Variants in KDM4A observed in about 807,000 individuals in gnomAD.
KDM4A encodes the protein lysine demethylase 4A, also known as lysine-specific demethylase 4A.
A neutral mutation model predicts 127.1 loss-of-function variants in KDM4A; 23 were observed. The ratio of observed to expected loss-of-function variants is 0.18; its 90% CI spans 0.13 to 0.26. KDM4A has a LOEUF of 0.26. KDM4A is among the 10% of genes least tolerant of loss of function. The pLI is 1.00. For missense variants in KDM4A, 890 were observed against 1,329.1 expected (o/e 0.67, Z 5.14); for synonymous variants, 443 against 466.5 (o/e 0.95, Z 0.65).
intron 19 of KDM4A, chr1:43,699,777 G>C (rs1661339306): frequency 6.7e-6 from 1 of 148,828 alleles, no homozygotes; most frequent in Non-Finnish European, 1.5e-5. Context: ...GCTGGAGTAC[G>C]GGAGTACGGT....
At chr1:43,655,036 A>G (rs1660207899) in intron 2 of KDM4A, among the ~76,000 whole-genome samples, 1 of 152,030 alleles carries the variant, frequency 6.6e-6, no homozygotes, top group Admixed American at 6.6e-5. Context: ...TTTTTAGTAG[A>G]GATGGGGTTT....
At chr1:43,675,561 G>A (rs1286815832) in intron 11 of KDM4A, among the ~76,000 whole-genome samples, 1 of 152,172 alleles carries the variant, frequency 6.6e-6, no homozygotes, top group African/African-American at 2.4e-5. Context: ...AGCACTTGGG[G>A]ATCTGCAGTG....
In KDM4A at chr1:43,660,364, C is replaced by T. The variant is rs762616511; in HGVS notation, c.381C>T (p.Phe127=). The T allele has an allele frequency of 2.5e-6, 4 of 1,612,704 alleles. No individual in the cohort carries two copies. The South Asian group carries it at 3.3e-5, about 13-fold the overall frequency. ...LERKYWKNLT[F]NPPIYGADVN... is the part of the protein sequence containing the mutation. Reference sequence around the variant, plus strand: ...GGAAATACTGGAAAAATCTTACATTCAATCCTCCAATCTATGGTGCAGATG... The same window carrying T: ...GGAAATACTGGAAAAATCTTACATTTAATCCTCCAATCTATGGTGCAGATG... Residue 127 remains phenylalanine (F), a synonymous_variant, in exon 4 of 22, where the codon TTC becomes TTT. Transcript: ENST00000372396.
At position 43,691,582 on chromosome 1, in the gene KDM4A, C is replaced by T. The variant is rs1403549545; in HGVS notation, c.2319+10C>T. 1 of 1,609,668 alleles carries T rather than the reference C, an allele frequency of 6.2e-7. No homozygotes were observed. Among genetic ancestry groups the T allele is most frequent in the African/African-American group, 1.3e-5 (1 of 74,774 alleles). Reference sequence around the variant, plus strand: ...CAATGCCCTAGAGGAGGTGAGTGATCCCACACTGTTACTGTCTTCACCATG... The same window carrying T: ...CAATGCCCTAGAGGAGGTGAGTGATTCCACACTGTTACTGTCTTCACCATG... On this transcript the variant is annotated intron_variant, in intron 15 of 21. Coordinates refer to ENST00000372396, the MANE Select transcript of KDM4A (RefSeq NM_014663.3).
intron 9 of KDM4A, among the ~76,000 whole-genome samples, chr1:43,668,467 T>C (rs1347812283): frequency 1.3e-5 from 2 of 151,734 alleles, no homozygotes; most frequent in African/African-American, 2.4e-5. Flanking sequence ...GCTAAGGGAG[T>C]GTTCTTGGTA....
chr1:43,654,887 T>C (rs1027202882), intron 2 of KDM4A, among the ~76,000 whole-genome samples: 6 of 152,132 alleles, frequency 3.9e-5, no homozygotes, highest in South Asian at 2.1e-4. Context: ...GTTTCGCTCT[T>C]GTTACCCCAG....
At chr1:43,683,651 C>T (rs1488702824) in intron 11 of KDM4A, 33 bp from the exon 12 acceptor site, 2 of 1,605,596 alleles carry the variant, frequency 1.2e-6, no homozygotes, top group East Asian at 2.2e-5. Flanking sequence ...CAAGTGGAGA[C>T]AAGACCAATT....
chr1:43,660,627 ATG>A (rs1660351452), intron 4 of KDM4A, among the ~76,000 whole-genome samples: 1 of 152,034 alleles, frequency 6.6e-6, no homozygotes, highest in Non-Finnish European at 1.5e-5. Flanking sequence ...GAATTGGATG[ATG>A]TGGTGTTCTT....
chr1:43,694,664 AG>A lies in KDM4A; in HGVS notation c.2485-44del, dbSNP rs779752827. 2.6e-6 allele frequency: 4 copies of A among 1,538,834 alleles called. No homozygotes were observed. The South Asian group carries it at 4.6e-5, about 18-fold the overall frequency. ...GGAGGGGAACAACAGAGGAAGCTGC[AG>A]TGCCAGTTCCTGCAATCACTGGTTT... On this transcript the variant is annotated intron_variant, in intron 17 of 21. Transcript: ENST00000372396. The surrounding 1 kb of genome is among the most constrained non-coding windows in gnomAD (Gnocchi z 5.2).
At chr1:43,663,551 G>A (rs1463890570) in intron 5 of KDM4A, among the ~76,000 whole-genome samples, 1 of 152,098 alleles carries the variant, frequency 6.6e-6, no homozygotes, top group Non-Finnish European at 1.5e-5. Flanking sequence ...TCTCCAGAGT[G>A]TTATTCTTGT....
intron 20 of KDM4A, 68 bp downstream of exon 20, chr1:43,703,804 A>G: frequency 6.3e-7 from 1 of 1,596,836 alleles, no homozygotes. Flanking sequence ...CTGTTGGGCC[A>G]GAGGCGAGTC....
rs1309812227 is a variant in KDM4A at position 43,668,018 on chromosome 1, A to G, written c.1162A>G (p.Ser388Gly). 8 of 1,613,704 alleles carry G rather than the reference A, an allele frequency of 5.0e-6. No individual in the cohort carries two copies. Among genetic ancestry groups the G allele is most frequent in the African/African-American group, 2.7e-5 (2 of 74,914 alleles). Residue 388 changes from serine to glycine, a missense_variant and splice_region_variant, in exon 9 of 22, where the codon AGC becomes GGC. Ser to Gly is a moderately conservative substitution (Grantham distance 56, BLOSUM62 0). Coordinates refer to ENST00000372396, the MANE Select transcript of KDM4A (RefSeq NM_014663.3). The stretch of plus-strand genomic sequence containing the variant: ...TGGAGAGGAAGGAGACCTGAAGACA[A>G]GGTAACCCAGCAGCCCTTTTGTCCT... Reference protein sequence around the residue: ...EDGEEGDLKTSLAKHRIGTKR... With the variant: ...EDGEEGDLKTGLAKHRIGTKR...
At chr1:43,671,032 T>C (rs1660607164) in intron 10 of KDM4A, among the ~76,000 whole-genome samples, 1 of 152,256 alleles carries the variant, frequency 6.6e-6, no homozygotes, top group African/African-American at 2.4e-5. Context: ...TATATATAAG[T>C]TGTGGAATGG....
intron 9 of KDM4A, among the ~76,000 whole-genome samples, chr1:43,668,599 G>A (rs573388069): frequency 6.6e-6 from 1 of 152,156 alleles, no homozygotes; most frequent in South Asian, 2.1e-4. Context: ...ATTTATGTGC[G>A]AAGGTCGGGC....
rs746305471 is a variant in KDM4A at position 43,655,763 on chromosome 1, A to G, written c.311A>G (p.Asp104Gly). 1 of 1,608,108 alleles carries G rather than the reference A, an allele frequency of 6.2e-7. No individual in the cohort carries two copies. Among genetic ancestry groups the G allele is most frequent in the Non-Finnish European group, 8.5e-7 (1 of 1,176,430 alleles). The change falls in exon 3 of 22, where the codon GAT (aspartate) becomes GGT (glycine). Residue 104 changes from aspartate (D) to glycine (G), a missense_variant. Coordinates refer to ENST00000372396, the MANE Select transcript of KDM4A (RefSeq NM_014663.3). The part of the protein sequence containing the change: ...VREFRKIANS[D>G]KYCTPRYSEF... ...GAGTTCCGCAAGATAGCCAATAGCG[A>G]TAAGTGAGTGGAAACCCTTTCTTAC... is the stretch of plus-strand genomic sequence containing the variant.
chr1:43,675,257 T>C (rs1400516868), intron 11 of KDM4A, among the ~76,000 whole-genome samples: 2 of 152,214 alleles, frequency 1.3e-5, no homozygotes, highest in Non-Finnish European at 2.9e-5. Context: ...CCCTCTACTT[T>C]CTAATCATTT....
chr1:43,690,950 G>A lies in KDM4A; in HGVS notation c.2143G>A (p.Gly715Ser), dbSNP rs1185046980. The change falls in exon 14 of 22, where the codon GGC becomes AGC. Residue 715 changes from glycine (G) to serine (S), a missense_variant. This residue lies in a region of KDM4A where 389 missense variants were observed against 485.9 expected (regional missense o/e 0.80). Transcript: ENST00000372396. ...LIPEMCFTST[G>S]CSTDINLSTP... The stretch of plus-strand genomic sequence containing the variant: ...TCCAGAAATGTGCTTCACTTCGACT[G>A]GCTGCAGCACGGACATCAACCTTTC... 6.2e-7 allele frequency: 1 copy of A among 1,614,224 alleles called. No homozygotes were observed. Among genetic ancestry groups the A allele is most frequent in the Admixed American group, 1.7e-5 (1 of 60,024 alleles).
chr1:43,670,078 G>A (rs1660584152), intron 10 of KDM4A, among the ~76,000 whole-genome samples: 1 of 152,218 alleles, frequency 6.6e-6, no homozygotes, highest in South Asian at 2.1e-4. Flanking sequence ...AATAGGAGAT[G>A]ATGTAGGGCT....
chr1:43,656,260 G>A (rs373930176), intron 3 of KDM4A, among the ~76,000 whole-genome samples: 2 of 145,560 alleles, frequency 1.4e-5, no homozygotes, highest in African/African-American at 2.6e-5. Flanking sequence ...TTCTTTCTCT[G>A]TACATTCCTG....
Sources: gnomAD v4.1 joint callset for allele counts (sites outside exome capture counted in the v4.1 genomes callset) on GRCh38, gnomAD v4.1.1 for gene constraint, gnomAD v4.1.1 regional missense constraint, Gnocchi (gnomAD v3.1) non-coding constraint, MANE v1.5 for transcripts, NCBI Gene and HGNC (gene_info 2026-07-23, HGNC 2026-07-21) for gene names.